Variants in SCNN1B observed in about 807,000 individuals in gnomAD.
The protein encoded by SCNN1B is sodium channel epithelial 1 subunit beta.
A neutral mutation model predicts 65.3 loss-of-function variants in SCNN1B; 46 were observed. The observed-to-expected ratio is 0.70, with a 90% CI of 0.56 to 0.90. The LOEUF is 0.90. Ranked by LOEUF, SCNN1B falls within the 40% of genes least tolerant of loss-of-function variation. The pLI is 0.00. For missense variants in SCNN1B, 751 were observed against 830.5 expected, an observed-to-expected ratio of 0.90 and a Z score of 1.18; for synonymous variants, 349 against 330.6, an observed-to-expected ratio of 1.06 and a Z score of -0.60.
chr16:23,332,183 C>T (rs1029108613), intron 1 of SCNN1B, among the ~76,000 whole-genome samples: 1 of 151,912 alleles, frequency 6.6e-6, no homozygotes, highest in Non-Finnish European at 1.5e-5. Context: ...CACATGCCAT[C>T]ATGCCCAGCT....
At chr16:23,280,919 G>C (rs1238741410) in intron 1 of SCNN1B, among the ~76,000 whole-genome samples, 1 of 152,226 alleles carries the variant, frequency 6.6e-6, no homozygotes, top group Non-Finnish European at 1.5e-5. Flanking sequence ...GCCAGCTCAG[G>C]CTGTGGGCTA....
At chr16:23,290,889 A>G (rs1960914554) in intron 2 of SCNN1B, among the ~76,000 whole-genome samples, 1 of 152,156 alleles carries the variant, frequency 6.6e-6, no homozygotes, top group Non-Finnish European at 1.5e-5. Flanking sequence ...CATTAAGCAT[A>G]CAATTGTCTG....
chr16:23,333,963 G>A (rs1961882725), intron 1 of SCNN1B, among the ~76,000 whole-genome samples: 1 of 152,184 alleles, frequency 6.6e-6, no homozygotes, highest in Admixed American at 6.5e-5. Flanking sequence ...CCTTGAATGG[G>A]AATGTTAGTC....
In SCNN1B at chr16:23,360,591, GTT is replaced by G. The variant is rs35772167; in HGVS notation, c.776+5123_776+5124del. ...GACTTTGTTGTTGGTGGTGGTGGTGGTTTTTTTTTTTTTTTTTTTTTTGAGAC... is the reference window on the plus strand; with the variant it reads ...GACTTTGTTGTTGGTGGTGGTGGTGGTTTTTTTTTTTTTTTTTTTTGAGAC... On this transcript the variant is annotated intron_variant, in intron 4 of 12. Transcript: ENST00000343070. 5.8e-3 allele frequency among the ~76,000 whole-genome samples: 557 copies of G among 95,256 alleles called. 4 individuals carry two copies. The highest frequency in any genetic ancestry group is 0.021 in the African/African-American group (509 of 24,308). 62.5% of individuals were successfully genotyped at this position (95,256 alleles called of 152,430 possible).
At chr16:23,315,613 G>T (rs1961437573) in intron 1 of SCNN1B, among the ~76,000 whole-genome samples, 1 of 152,178 alleles carries the variant, frequency 6.6e-6, no homozygotes, top group East Asian at 1.9e-4. Context: ...AGACCAGCCT[G>T]CCTGGGCAAC....
intron 6 of SCNN1B, 145 bp downstream of exon 6, chr16:23,371,607 T>C: frequency 9.4e-7 from 1 of 1,065,872 alleles, no homozygotes; most frequent in Non-Finnish European, 1.4e-6. Context: ...CCCCCCAGGG[T>C]GGCCCAAGCT....
intron 2 of SCNN1B, among the ~76,000 whole-genome samples, chr16:23,291,100 C>T (rs186822558): frequency 1.4e-3 from 200 of 146,192 alleles, no homozygotes; most frequent in African/African-American, 4.7e-3. Flanking sequence ...CTTGCTGTGT[C>T]GCCCAGGCTG....
chr16:23,372,021 G>A, intron 7 of SCNN1B, 138 bp downstream of exon 7: 1 of 722,192 alleles, frequency 1.4e-6, no homozygotes, highest in Admixed American at 2.0e-5. Context: ...GGCACCCCGG[G>A]CCTGTGGGAC....
chr16:23,299,828 G>A (rs1327062307), upstream of SCNN1B, among the ~76,000 whole-genome samples: 6 of 152,300 alleles, frequency 3.9e-5, no homozygotes, highest in East Asian at 3.9e-4. Context: ...TGACTCAGCA[G>A]TCCCGTTACT....
chr16:23,380,259 G>A lies in SCNN1B; in HGVS notation c.1542+90G>A. ...GGGGAAGGGTTCTGAGCCCTATGAA[G>A]GAATTAGGAAGATCCCTAAGACAGT... On this transcript the variant is annotated intron_variant, in intron 12 of 12. Coordinates refer to ENST00000343070, the MANE Select transcript of SCNN1B (RefSeq NM_000336.3). The surrounding 1 kb of genome is among the most constrained non-coding windows in gnomAD (Gnocchi z 5.4). The A allele has an allele frequency of 1.3e-6, 2 of 1,497,844 alleles. No individual in the cohort carries two copies. The highest frequency in any genetic ancestry group is 1.9e-6 in the Non-Finnish European group (2 of 1,075,172). 92.8% of individuals were successfully genotyped at this position (1,497,844 alleles called of 1,614,324 possible).
chr16:23,380,147 T>C lies in SCNN1B; in HGVS notation c.1520T>C (p.Ile507Thr), dbSNP rs1475259591. 7.4e-6 allele frequency: 12 copies of C among 1,613,966 alleles called. No homozygotes were observed. Among genetic ancestry groups the C allele is most frequent in the Non-Finnish European group, 1.0e-5 (12 of 1,179,992 alleles). Residue 507 changes from isoleucine (I) to threonine (T), a missense_variant, in exon 12 of 13, where the codon ATT becomes ACT. By Grantham distance (89) the Ile-to-Thr change is moderately conservative. Coordinates refer to ENST00000343070, the MANE Select transcript of SCNN1B (RefSeq NM_000336.3). This position sits in a 1 kb window ranked among gnomAD's most constrained non-coding sequence, Gnocchi z 5.4. ...IYFQEFNYRTIEESAANNIVW... is the reference protein window; with the variant it reads ...IYFQEFNYRTTEESAANNIVW... ...TTCCAAGAATTTAACTATCGCACCA[T>C]TGAAGAATCAGCAGCCAATAACGTG...
chr16:23,371,325 C>T lies in SCNN1B; in HGVS notation c.907C>T (p.Gln303Ter), dbSNP rs975096468. Reference protein sequence around the residue: ...FGLKLILDIGQEDYVPFLAST... With the variant: ...FGLKLILDIG ...CCTGAAGTTGATCCTGGACATAGGC[C>T]AGGAAGACTACGTCCCCTTCCTTGC... Residue 303 changes from glutamine (Q) to a stop codon, truncating the protein, a stop_gained, in exon 6 of 13, where the codon CAG (glutamine) becomes TAG (stop). Coordinates refer to ENST00000343070, the MANE Select transcript of SCNN1B (RefSeq NM_000336.3). LOFTEE classifies it high-confidence loss of function. 6.2e-7 allele frequency: 1 copy of T among 1,613,992 alleles called. No homozygotes were observed. Among genetic ancestry groups the T allele is most frequent in the African/African-American group, 1.3e-5 (1 of 74,924 alleles).
intron 4 of SCNN1B, among the ~76,000 whole-genome samples, chr16:23,357,411 T>C (rs1393034454): frequency 6.6e-6 from 1 of 152,176 alleles, no homozygotes; most frequent in Non-Finnish European, 1.5e-5. Context: ...GGCGAAACCT[T>C]GTCTCTACTA....
chr16:23,333,613 C>G (rs1019154870), intron 1 of SCNN1B, among the ~76,000 whole-genome samples: 1 of 152,212 alleles, frequency 6.6e-6, no homozygotes, highest in African/African-American at 2.4e-5. Flanking sequence ...CATGCCTTAT[C>G]TTATTGAATC....
chr16:23,327,405 C>T (rs1283104105), intron 1 of SCNN1B, among the ~76,000 whole-genome samples: 6 of 151,942 alleles, frequency 3.9e-5, no homozygotes, highest in Admixed American at 1.3e-4. Context: ...TGGTGGTGCA[C>T]GCCTGTAATC....
intron 7 of SCNN1B, chr16:23,372,097 G>A (rs1166326330): frequency 3.3e-6 from 2 of 612,916 alleles, no homozygotes; most frequent in Non-Finnish European, 5.9e-6. Flanking sequence ...CACATTGGCA[G>A]GTGTACCCCT....
At chr16:23,343,487 G>GAAGGAAGGAAGGAAGGAA (rs1962099243) in intron 1 of SCNN1B, among the ~76,000 whole-genome samples, 1 of 90,694 alleles carries the variant, frequency 1.1e-5, no homozygotes, top group African/African-American at 4.8e-5. Flanking sequence ...AGGAAGGAAG[G>GAAGGAAGGAAGGAAGGAA]AAGGAAGGAA....
rs530887027 is a variant in SCNN1B at position 23,293,763 on chromosome 16, C to CA, written n.178+9969dup. Among the ~76,000 whole-genome samples the CA allele has an allele frequency of 6.9e-3, 1,020 of 147,084 alleles. 5 individuals are homozygous for CA. The highest frequency in any genetic ancestry group is 0.012 in the African/African-American group (464 of 40,172). On this transcript the variant is annotated intron_variant and non_coding_transcript_variant, in intron 2 of 3. Coordinates refer to the SCNN1B transcript ENST00000569789. ...GCAACATAGGGAGACCCCTTCTCTA[C>CA]AAAAAAAAAATTAGCCTGGCATGGT...
intron 11 of SCNN1B, among the ~76,000 whole-genome samples, chr16:23,379,665 T>G (rs892066603): frequency 6.6e-6 from 1 of 151,994 alleles, no homozygotes; most frequent in East Asian, 1.9e-4. Flanking sequence ...CTGTGCGGAG[T>G]CACTCCGTAT....
Sources: gnomAD v4.1 joint callset for allele counts (sites outside exome capture counted in the v4.1 genomes callset) on GRCh38, gnomAD v4.1.1 for gene constraint, Gnocchi (gnomAD v3.1) non-coding constraint, MANE v1.5 for transcripts, NCBI Gene and HGNC (gene_info 2026-07-23, HGNC 2026-07-21) for gene names.